The following CDH12 variants were observed in gnomAD, a reference collection of about 807,000 sequenced individuals.
CDH12 encodes cadherin-12.
CDH12 carries 41 observed loss-of-function variants against 74.1 expected under a neutral mutation model. The observed-to-expected ratio is 0.55, with a 90% CI of 0.43 to 0.72. The LOEUF is 0.72. Among genes scored for constraint, CDH12 ranks in the 30% least tolerant of loss-of-function variants. The probability of loss-of-function intolerance (pLI) is 0.00; values close to 1 mark genes in which losing one functional copy is unlikely to be tolerated. For synonymous variants in CDH12, 399 were observed against 355.0 expected, an observed-to-expected ratio of 1.12 and a Z score of -1.39; for missense variants, 945 against 977.2, an observed-to-expected ratio of 0.97 and a Z score of 0.44.
chr5:21,965,097 G>A (rs951080056), intron 6 of CDH12, among the ~76,000 whole-genome samples: 1 of 151,970 alleles, frequency 6.6e-6, no homozygotes, highest in African/African-American at 2.4e-5. Context: ...AGCACTTAAT[G>A]CTAGTAAGAA....
intron 1 of CDH12, among the ~76,000 whole-genome samples, chr5:22,633,096 C>T (rs193173186): frequency 6.6e-6 from 1 of 151,956 alleles, no homozygotes; most frequent in African/African-American, 2.4e-5. Flanking sequence ...AATGTTATAT[C>T]CAGTAAAATG....
chr5:21,972,911 A>T (rs189263755), intron 6 of CDH12, among the ~76,000 whole-genome samples: 1,825 of 151,476 alleles, frequency 0.012, 28 homozygotes, highest in South Asian at 0.06. Flanking sequence ...ATTAAAAATA[A>T]AAAAAAAGGA....
At chr5:22,495,014 T>C (rs1223833677) in intron 2 of CDH12, among the ~76,000 whole-genome samples, 1 of 152,128 alleles carries the variant, frequency 6.6e-6, no homozygotes, top group Non-Finnish European at 1.5e-5. Flanking sequence ...TCTGAAGAAA[T>C]ACCATTTGCA....
At chr5:22,065,368 T>C (rs894204275) in intron 5 of CDH12, among the ~76,000 whole-genome samples, 10 of 152,122 alleles carry the variant, frequency 6.6e-5, no homozygotes, top group African/African-American at 1.9e-4. Context: ...CAAAGTTAGA[T>C]TGGCGGAATT....
At chr5:21,832,903 TATATG>T (rs1749136473) in intron 8 of CDH12, among the ~76,000 whole-genome samples, 1 of 80,190 alleles carries the variant, frequency 1.2e-5, no homozygotes, top group Admixed American at 1.9e-4. Context: ...TATCATATAA[TATATG>T]ATATAATATT....
At chr5:22,182,126 A>G (rs1345559449) in intron 4 of CDH12, among the ~76,000 whole-genome samples, 1 of 152,122 alleles carries the variant, frequency 6.6e-6, no homozygotes, top group East Asian at 1.9e-4. Flanking sequence ...CTGAACAATT[A>G]GTCACATTCT....
intron 1 of CDH12, among the ~76,000 whole-genome samples, chr5:22,629,150 C>T (rs1738450447): frequency 6.6e-6 from 1 of 152,002 alleles, no homozygotes; most frequent in Admixed American, 6.6e-5. Context: ...GATGGATGCA[C>T]AGCCAGGTTA....
chr5:22,690,430 T>A (rs269007), intron 1 of CDH12, among the ~76,000 whole-genome samples: 1 of 151,894 alleles, frequency 6.6e-6, no homozygotes, highest in Non-Finnish European at 1.5e-5. Flanking sequence ...AAGGAGCCAA[T>A]GGTATAATTG....
At chr5:22,743,488 A>G (rs1745139953) in intron 1 of CDH12, among the ~76,000 whole-genome samples, 1 of 151,880 alleles carries the variant, frequency 6.6e-6, no homozygotes, top group Admixed American at 6.6e-5. Flanking sequence ...CTTCTGTGAG[A>G]GACAAAAAGC....
At chr5:22,120,694 T>C (rs1043231132) in intron 4 of CDH12, among the ~76,000 whole-genome samples, 10 of 152,190 alleles carry the variant, frequency 6.6e-5, no homozygotes, top group Non-Finnish European at 1.5e-4. Context: ...GCATTTGTTT[T>C]TGACATGATT....
intron 10 of CDH12, among the ~76,000 whole-genome samples, chr5:21,786,923 C>T (rs1277675885): frequency 6.6e-6 from 1 of 152,008 alleles, no homozygotes; most frequent in East Asian, 1.9e-4. Flanking sequence ...GTGGAAATAA[C>T]AAGAGAACTG....
intron 1 of CDH12, among the ~76,000 whole-genome samples, chr5:22,728,318 T>G (rs1337825676): frequency 6.6e-6 from 1 of 151,904 alleles, no homozygotes; most frequent in African/African-American, 2.4e-5. Context: ...ATTTAACTTC[T>G]CTTGAGTAGA....
At chr5:22,053,175 C>G (rs1740505533) in intron 5 of CDH12, among the ~76,000 whole-genome samples, 2 of 151,616 alleles carry the variant, frequency 1.3e-5, no homozygotes, top group Admixed American at 1.3e-4. Context: ...CCTTATAAGT[C>G]TTGCTGCTCC....
chr5:22,707,503 A>G (rs564572435), intron 1 of CDH12, among the ~76,000 whole-genome samples: 1 of 152,236 alleles, frequency 6.6e-6, no homozygotes, highest in East Asian at 1.9e-4. Flanking sequence ...GAAATGGTGT[A>G]TTTGTCTTTG....
At chr5:22,100,144 A>C (rs945861143) in intron 4 of CDH12, among the ~76,000 whole-genome samples, 1 of 152,192 alleles carries the variant, frequency 6.6e-6, no homozygotes, top group Non-Finnish European at 1.5e-5. Flanking sequence ...CAGGAACTAC[A>C]AAGCTATCAA....
At chr5:22,394,596 C>G (rs1282878593) in intron 3 of CDH12, among the ~76,000 whole-genome samples, 1 of 152,134 alleles carries the variant, frequency 6.6e-6, no homozygotes, top group South Asian at 2.1e-4. Flanking sequence ...AGATTAATTA[C>G]TCTGAGACCC....
intron 3 of CDH12, among the ~76,000 whole-genome samples, chr5:22,265,311 A>AACAC (rs1356625575): frequency 1.3e-5 from 2 of 152,188 alleles, no homozygotes; most frequent in African/African-American, 4.8e-5. Context: ...TTATAACACG[A>AACAC]ACACTTTCCC....
intron 2 of CDH12, among the ~76,000 whole-genome samples, chr5:22,444,717 C>A (rs1328472791): frequency 6.6e-6 from 1 of 151,946 alleles, no homozygotes; most frequent in Admixed American, 6.6e-5. Flanking sequence ...GACTTTTAAA[C>A]AGAAACACAT....
intron 3 of CDH12, among the ~76,000 whole-genome samples, chr5:22,292,605 C>T (rs1737442472): frequency 1.4e-5 from 2 of 145,894 alleles, no homozygotes; most frequent in South Asian, 4.4e-4. Context: ...GGACAAAGGA[C>T]CTGAAAGATG....
Sources: allele counts gnomAD v4.1 joint callset (sites outside exome capture counted in the v4.1 genomes callset), GRCh38; gene constraint gnomAD v4.1.1; transcripts MANE v1.5; gene names NCBI Gene and HGNC (gene_info 2026-07-23, HGNC 2026-07-21).